Variants in PRKG1 observed in about 807,000 individuals in gnomAD.
The protein encoded by PRKG1 is protein kinase cGMP-dependent 1, also known as cGMP-dependent protein kinase 1.
PRKG1 carries 35 observed loss-of-function variants against 88.1 expected under a neutral mutation model. The ratio of observed to expected loss-of-function variants is 0.40; its 90% CI spans 0.30 to 0.53. The LOEUF is 0.53. Ranked by LOEUF, PRKG1 falls within the 20% of genes least tolerant of loss-of-function variation. PRKG1 has a pLI of 0.59. For synonymous variants in PRKG1, 303 were observed against 292.5 expected, an observed-to-expected ratio of 1.04 and a Z score of -0.37; for missense variants, 540 against 839.8, an observed-to-expected ratio of 0.64 and a Z score of 4.41.
At chr10:51,075,788 C>T (rs1026842378) in intron 1 of PRKG1, among the ~76,000 whole-genome samples, 11 of 152,136 alleles carry the variant, frequency 7.2e-5, no homozygotes, top group Admixed American at 3.3e-4. Context: ...GGCTTCATAA[C>T]TTGGATGGGA....
chr10:51,794,279 A>G (rs967178266), intron 3 of PRKG1, among the ~76,000 whole-genome samples: 1 of 152,156 alleles, frequency 6.6e-6, no homozygotes, highest in African/African-American at 2.4e-5. Context: ...TCAACACCCT[A>G]CATGTAGTAA....
chr10:51,850,928 T>A (rs569841989), intron 4 of PRKG1, among the ~76,000 whole-genome samples: 17 of 152,212 alleles, frequency 1.1e-4, no homozygotes, highest in Admixed American at 4.6e-4. Context: ...TCTGATAAGA[T>A]CCCAAATGCT....
chr10:51,768,311 T>C (rs1313869264), intron 3 of PRKG1, among the ~76,000 whole-genome samples: 1 of 152,182 alleles, frequency 6.6e-6, no homozygotes, highest in Non-Finnish European at 1.5e-5. Context: ...GTGCTGGCTA[T>C]ATTTTTTGAT....
chr10:51,656,551 CA>C (rs1398791458), intron 3 of PRKG1, among the ~76,000 whole-genome samples: 1 of 152,094 alleles, frequency 6.6e-6, no homozygotes, highest in African/African-American at 2.4e-5. Context: ...CTGATTCTTT[CA>C]CCGCAAAGTA....
intron 2 of PRKG1, among the ~76,000 whole-genome samples, chr10:51,300,114 T>A (rs1192029615): frequency 1.3e-5 from 2 of 152,214 alleles, no homozygotes; most frequent in Non-Finnish European, 2.9e-5. Context: ...TAGAACCTTG[T>A]CTTTATGAAT....
intron 3 of PRKG1, among the ~76,000 whole-genome samples, chr10:51,600,646 A>G (rs1347305863): frequency 2.6e-5 from 4 of 152,182 alleles, no homozygotes; most frequent in African/African-American, 9.7e-5. Context: ...TAAATTATGA[A>G]TGACATTTTA....
intron 5 of PRKG1, among the ~76,000 whole-genome samples, chr10:51,966,416 T>G (rs1186486216): frequency 2.0e-5 from 3 of 152,226 alleles, no homozygotes; most frequent in Admixed American, 6.5e-5. Context: ...TGCTTTAATC[T>G]GTTTCATACA....
rs1186052029 is a variant in PRKG1, at chr10:51,502,138, A to T, written c.592+34302A>T. ...TCTGAATCCGTATTAGGAATGAATG[A>T]ATCTCTATCCAGGCCTGAGGTCATT... On this transcript the variant is annotated intron_variant, in intron 3 of 17. Transcript: ENST00000373980. 5.3e-5 allele frequency among the ~76,000 whole-genome samples: 8 copies of T among 152,316 alleles called. No homozygotes were observed. In the East Asian group the frequency reaches 1.5e-3, roughly 29 times the overall value.
intron 3 of PRKG1, among the ~76,000 whole-genome samples, chr10:51,628,008 C>CTTTCTT (rs57067430): frequency 5.9e-5 from 3 of 50,482 alleles, no homozygotes; most frequent in African/African-American, 1.9e-4. Context: ...CTCTCTCTCT[C>CTTTCTT]TCTTTCTTTC....
chr10:52,150,213 G>C lies in PRKG1; in HGVS notation c.1002-11676G>C, dbSNP rs932916077. On this transcript the variant is annotated intron_variant, in intron 8 of 17. Coordinates refer to ENST00000373980, the MANE Select transcript of PRKG1 (RefSeq NM_006258.4). The stretch of plus-strand genomic sequence containing the variant: ...GATTGGCCATAAGGGCAGGATTTGA[G>C]AGAGAGAGAAAGCAGATATTTAATA... Among the ~76,000 whole-genome samples the C allele has an allele frequency of 3.5e-5, 5 of 143,062 alleles. 1 individual carries two copies. In the Admixed American group the frequency reaches 3.5e-4, roughly 10 times the overall value. 93.9% of individuals were successfully genotyped at this position (143,062 alleles called of 152,430 possible). A position where few individuals can be genotyped will look rare whatever the true frequency, so the allele number is the denominator to read the frequency against.
At chr10:52,217,101 G>A (rs889398292) in intron 9 of PRKG1, among the ~76,000 whole-genome samples, 1 of 152,108 alleles carries the variant, frequency 6.6e-6, no homozygotes, top group Non-Finnish European at 1.5e-5. Flanking sequence ...ACAGGTCATG[G>A]AAGGGTGGTT....
At chr10:51,877,342 G>A (rs376729913) in intron 4 of PRKG1, among the ~76,000 whole-genome samples, 2 of 151,978 alleles carry the variant, frequency 1.3e-5, no homozygotes, top group Admixed American at 6.6e-5. Flanking sequence ...TAAACAACCC[G>A]ATAAGCTTTA....
At chr10:52,083,343 A>C (rs1053200008) in intron 7 of PRKG1, among the ~76,000 whole-genome samples, 1 of 152,104 alleles carries the variant, frequency 6.6e-6, no homozygotes, top group African/African-American at 2.4e-5. Context: ...CACTAATATA[A>C]TTATCTTGAT....
chr10:52,058,382 C>G (rs555187687), intron 6 of PRKG1, among the ~76,000 whole-genome samples: 2 of 152,132 alleles, frequency 1.3e-5, no homozygotes, highest in South Asian at 4.1e-4. Context: ...ATCACATTAT[C>G]ATGCCAAATG....
intron 7 of PRKG1, among the ~76,000 whole-genome samples, chr10:52,116,355 C>T (rs955839793): frequency 1.3e-5 from 2 of 152,068 alleles, no homozygotes; most frequent in Admixed American, 6.6e-5. Flanking sequence ...ATTGCATGCC[C>T]TGTATTTTTA....
chr10:51,919,673 C>G (rs902755527), intron 5 of PRKG1, among the ~76,000 whole-genome samples: 3 of 145,246 alleles, frequency 2.1e-5, no homozygotes, highest in African/African-American at 7.3e-5. Context: ...AACAGCCCCC[C>G]ACCTTTTTTT....
intron 5 of PRKG1, among the ~76,000 whole-genome samples, chr10:52,017,716 G>A (rs180722197): frequency 6.6e-6 from 1 of 152,218 alleles, no homozygotes; most frequent in Non-Finnish European, 1.5e-5. Context: ...GGTCTGGGCT[G>A]CAGAGGAGTG....
chr10:52,278,826 C>T (rs767070009), intron 12 of PRKG1, among the ~76,000 whole-genome samples: 7 of 151,312 alleles, frequency 4.6e-5, no homozygotes, highest in Non-Finnish European at 8.8e-5. Context: ...TCACTTGAAC[C>T]CAGGAGGCTG....
At chr10:51,917,224 G>A (rs1485461849) in intron 5 of PRKG1, among the ~76,000 whole-genome samples, 1 of 150,878 alleles carries the variant, frequency 6.6e-6, no homozygotes, top group Non-Finnish European at 1.5e-5. Flanking sequence ...GAGGCTGAGG[G>A]AAGAGAATTG....
Sources: gnomAD v4.1 joint callset for allele counts (sites outside exome capture counted in the v4.1 genomes callset) on GRCh38, gnomAD v4.1.1 for gene constraint, MANE v1.5 for transcripts, NCBI Gene and HGNC (gene_info 2026-07-23, HGNC 2026-07-21) for gene names.